LYST: variants seen among roughly 807,000 people sequenced by gnomAD.
LYST encodes the protein lysosomal trafficking regulator, also known as lysosomal-trafficking regulator.
Under a neutral mutation model 413.6 loss-of-function variants are expected in LYST, and 192 were observed. The observed-to-expected ratio is 0.46, with a 90% CI of 0.41 to 0.52. The LOEUF is 0.52. LYST is among the 20% of genes least tolerant of loss of function. The probability of loss-of-function intolerance (pLI) is 0.00; values close to 1 mark genes in which losing one functional copy is unlikely to be tolerated. For synonymous variants in LYST, 1,525 were observed against 1,567.3 expected, an observed-to-expected ratio of 0.97 and a Z score of 0.64; for missense variants, 3,815 against 4,499.9, an observed-to-expected ratio of 0.85 and a Z score of 4.35.
chr1:235,782,140 T>G, intron 14 of LYST, 53 bp from the exon 15 acceptor site: 1 of 1,428,606 alleles, frequency 7.0e-7, no homozygotes, highest in South Asian at 1.2e-5. Flanking sequence ...AGTCTAGTAC[T>G]AAGTATTTTT....
intron 13 of LYST, among the ~76,000 whole-genome samples, chr1:235,788,093 C>G (rs1212882065): frequency 2.0e-5 from 3 of 152,076 alleles, no homozygotes; most frequent in African/African-American, 7.2e-5. Context: ...CATAAGACTT[C>G]AGTATTTGAT....
At chr1:235,731,273 C>T in intron 34 of LYST, 96 bp from the exon 35 acceptor site, 1 of 1,028,852 alleles carries the variant, frequency 9.7e-7, no homozygotes, top group Non-Finnish European at 1.5e-6. Context: ...TAAGTCACAA[C>T]TGATCTGTTA....
chr1:235,863,460 T>TAAAA lies in LYST; in HGVS notation c.-98+3379_-98+3382dup, dbSNP rs577675111. ...AGAGAAACCAGAGAATGACTCTGTC[T>TAAAA]AAAAAAAAAAAAAATGTTGAACTTA... On this transcript the variant is annotated intron_variant, in intron 1 of 52. Transcript: ENST00000389793. Among the ~76,000 whole-genome samples the TAAAA allele has an allele frequency of 3.0e-5, 4 of 135,210 alleles. No individual in the cohort carries two copies. In the East Asian group the frequency reaches 8.4e-4, roughly 29 times the overall value. 88.7% of individuals were successfully genotyped at this position (135,210 alleles called of 152,430 possible). A position where few individuals can be genotyped will look rare whatever the true frequency, so the allele number is the denominator to read the frequency against.
chr1:235,849,117 A>C (rs897960186), intron 1 of LYST, among the ~76,000 whole-genome samples: 10 of 152,210 alleles, frequency 6.6e-5, no homozygotes, highest in Non-Finnish European at 1.3e-4. Context: ...TAAAATCCTT[A>C]ACAAAATACT....
intron 20 of LYST, among the ~76,000 whole-genome samples, chr1:235,769,036 A>G (rs552841113): frequency 4.7e-4 from 72 of 152,076 alleles, no homozygotes; most frequent in Non-Finnish European, 9.4e-4. Context: ...CAAAACAAAA[A>G]CCATATCCCT....
At chr1:235,833,986 G>A (rs757612404) in intron 1 of LYST, among the ~76,000 whole-genome samples, 3 of 152,136 alleles carry the variant, frequency 2.0e-5, no homozygotes, top group Admixed American at 6.5e-5. Context: ...TAGAATCTAG[G>A]AGGCAGCGGA....
chr1:235,823,839 C>T (rs1675044683), intron 3 of LYST, among the ~76,000 whole-genome samples: 1 of 152,220 alleles, frequency 6.6e-6, no homozygotes, highest in South Asian at 2.1e-4. Context: ...TCACCAAATA[C>T]TTTTTACACT....
At chr1:235,812,241 T>C (rs1352725190) in intron 4 of LYST, among the ~76,000 whole-genome samples, 4 of 152,106 alleles carry the variant, frequency 2.6e-5, no homozygotes, top group Non-Finnish European at 5.9e-5. Context: ...CGGTGGCTCA[T>C]GCCTGTAATC....
rs1674659518 is a variant in LYST, at chr1:235,820,664, T to A, written c.193-7603A>T. Among the ~76,000 whole-genome samples the A allele has an allele frequency of 2.0e-5, 3 of 152,230 alleles. No homozygotes were observed. The South Asian group carries it at 6.2e-4, about 32-fold the overall frequency. ...AGGATTACAGGGGTGAACCACCACA[T>A]CCAGCCTAATAGGTATTTCTGATAT... is the stretch of plus-strand genomic sequence containing the variant. On this transcript the variant is annotated intron_variant, in intron 3 of 52. Transcript: ENST00000389793.
At chr1:235,699,740 A>C (rs1661398834) in intron 45 of LYST, among the ~76,000 whole-genome samples, 1 of 152,102 alleles carries the variant, frequency 6.6e-6, no homozygotes, top group Admixed American at 6.6e-5. Context: ...ACCAGCATCC[A>C]TTGTTCCTTG....
At chr1:235,725,915 A>G (rs538345202) in intron 38 of LYST, among the ~76,000 whole-genome samples, 39 of 152,298 alleles carry the variant, frequency 2.6e-4, no homozygotes, top group African/African-American at 8.4e-4. Context: ...TACACATCCT[A>G]CCATCACTAG....
chr1:235,667,640 T>A (rs1263289898), intron 50 of LYST, among the ~76,000 whole-genome samples: 2 of 152,122 alleles, frequency 1.3e-5, no homozygotes, highest in Non-Finnish European at 2.9e-5. Flanking sequence ...AGTATTTGCA[T>A]ATAACCTCTG....
intron 10 of LYST, among the ~76,000 whole-genome samples, chr1:235,799,752 A>G (rs914413040): frequency 5.3e-5 from 8 of 151,990 alleles, no homozygotes; most frequent in Admixed American, 5.2e-4. Flanking sequence ...TACAGTCCCC[A>G]CTATGCCACT....
intron 45 of LYST, among the ~76,000 whole-genome samples, chr1:235,698,643 G>C (rs552236003): frequency 6.6e-6 from 1 of 152,040 alleles, no homozygotes; most frequent in Non-Finnish European, 1.5e-5. Context: ...AGGCCGAGGC[G>C]GGCGGATCAT....
intron 47 of LYST, among the ~76,000 whole-genome samples, chr1:235,688,144 TA>T (rs1660361899): frequency 6.6e-6 from 1 of 152,222 alleles, no homozygotes; most frequent in South Asian, 2.1e-4. Context: ...AATGCACTTT[TA>T]AAAAATACAC....
intron 48 of LYST, among the ~76,000 whole-genome samples, chr1:235,681,307 G>A (rs1176789043): frequency 1.3e-5 from 2 of 152,178 alleles, no homozygotes; most frequent in Non-Finnish European, 2.9e-5. Context: ...ATGTTACTGG[G>A]AGCAGGGTAG....
In LYST at chr1:235,809,895, C is replaced by T; in HGVS notation, c.923G>A (p.Ser308Asn). 1.9e-6 allele frequency: 3 copies of T among 1,614,032 alleles called. No individual in the cohort carries two copies. Among genetic ancestry groups the T allele is most frequent in the Non-Finnish European group, 2.5e-6 (3 of 1,179,982 alleles). The part of the protein sequence containing the change: ...DCCSLSDNLE[S>N]RVVSAGWTEE... ...GGTCCAACCTGCAGAAACTACTCGA[C>T]TCTCCAAGTTGTCGCTCAGACTGCA... The change falls in exon 5 of 53, where the codon AGT becomes AAT. Residue 308 changes from serine (S) to asparagine (N), a missense_variant. Physicochemically the swap from Ser to Asn is conservative, Grantham distance 46 (BLOSUM62 1). Around this residue, in one of 4 missense-constraint regions of LYST, gnomAD observed 1,648 missense variants for 1,810.3 expected, o/e 0.91. Transcript: ENST00000389793. This position sits in a 1 kb window ranked among gnomAD's most constrained non-coding sequence, Gnocchi z 4.0.
chr1:235,696,735 T>C (rs981392247), intron 46 of LYST, among the ~76,000 whole-genome samples: 1 of 152,256 alleles, frequency 6.6e-6, no homozygotes, highest in African/African-American at 2.4e-5. Context: ...CTTAAACCCA[T>C]GACTATATCT....
intron 45 of LYST, among the ~76,000 whole-genome samples, chr1:235,698,621 C>T (rs1661289284): frequency 6.6e-6 from 1 of 152,252 alleles, no homozygotes; most frequent in African/African-American, 2.4e-5. Context: ...CCTGTAATCC[C>T]AGCACTTTGG....
Sources: gnomAD v4.1 joint callset for allele counts (sites outside exome capture counted in the v4.1 genomes callset) on GRCh38, gnomAD v4.1.1 for gene constraint, gnomAD v4.1.1 regional missense constraint, Gnocchi (gnomAD v3.1) non-coding constraint, MANE v1.5 for transcripts, NCBI Gene and HGNC (gene_info 2026-07-23, HGNC 2026-07-21) for gene names.